The following FHDC1 variants were observed in gnomAD, a reference collection of about 807,000 sequenced individuals.
FHDC1 encodes FH2 domain-containing protein 1.
A neutral mutation model predicts 52.6 loss-of-function variants in FHDC1; 25 were observed. That is an observed-to-expected ratio of 0.48 (90% CI 0.35 to 0.66). FHDC1 has a LOEUF of 0.66. Ranked by LOEUF, FHDC1 falls within the 30% of genes least tolerant of loss-of-function variation. FHDC1 has a pLI of 0.01. For synonymous variants in FHDC1, 616 were observed against 581.5 expected (o/e 1.06, Z -0.85); for missense variants, 1,459 against 1,452.8 (o/e 1.00, Z -0.07).
At chr4:152,955,238 A>T (rs1454225663) in intron 4 of FHDC1, among the ~76,000 whole-genome samples, 1 of 152,206 alleles carries the variant, frequency 6.6e-6, no homozygotes, top group Admixed American at 6.5e-5. Context: ...AATACATACT[A>T]CCATGATATA....
At chr4:152,958,164 A>T (rs1412559725) in intron 4 of FHDC1, among the ~76,000 whole-genome samples, 3 of 152,114 alleles carry the variant, frequency 2.0e-5, no homozygotes, top group African/African-American at 7.2e-5. Flanking sequence ...ATTAGATAGG[A>T]TGAAGGAGGT....
chr4:152,939,915 G>C (rs116882724), intron 1 of FHDC1, among the ~76,000 whole-genome samples: 2 of 152,178 alleles, frequency 1.3e-5, no homozygotes, highest in Non-Finnish European at 2.9e-5. Flanking sequence ...GACAGAGTGG[G>C]GGCTAATCCC....
At chr4:152,959,330 T>C (rs1561209050) in intron 4 of FHDC1, among the ~76,000 whole-genome samples, 1 of 152,266 alleles carries the variant, frequency 6.6e-6, no homozygotes, top group Non-Finnish European at 1.5e-5. Context: ...TGTGATCTAA[T>C]GTTGTTTGAA....
chr4:152,965,299 G>A (rs1464280624), intron 9 of FHDC1, among the ~76,000 whole-genome samples: 1 of 152,204 alleles, frequency 6.6e-6, no homozygotes, highest in African/African-American at 2.4e-5. Flanking sequence ...TTCCTTGGGA[G>A]TTGGTATATA....
Position 152,975,264 on chromosome 4 carries a change from C to A in FHDC1, c.1973C>A (p.Ala658Glu), listed in dbSNP as rs140234987. The change falls in exon 12 of 12, where the codon GCA (alanine) becomes GAA (glutamate). Residue 658 changes from alanine (A) to glutamate (E), a missense_variant. Coordinates refer to ENST00000511601, the MANE Select transcript of FHDC1 (RefSeq NM_001371116.1). ...RYSEPVSLGS[A>E]QSPPLSPLAL... ...AGTGAGCCGGTGAGCCTGGGCTCAG[C>A]ACAGTCCCCTCCTCTCTCGCCATTG... 1 of 1,613,518 alleles carries A rather than the reference C, an allele frequency of 6.2e-7. No homozygotes were observed. Among genetic ancestry groups the A allele is most frequent in the African/African-American group, 1.3e-5 (1 of 75,060 alleles).
chr4:152,913,035 A>G, the FHDC1 span, among the ~76,000 whole-genome samples: 2 of 152,344 alleles, frequency 1.3e-5, no homozygotes, highest in African/African-American at 4.8e-5. Context: ...AAGGCTTCAA[A>G]ATATGTTAAA....
At chr4:152,928,343 T>C in the FHDC1 span, 1 of 461,388 alleles carries the variant, frequency 2.2e-6, no homozygotes, top group South Asian at 2.2e-5. Context: ...TTTTAACCAA[T>C]CCAATCTAAA....
rs1740913198 is a variant in FHDC1, at chr4:152,976,932, G to A, written c.*209G>A. 2.0e-6 allele frequency: 1 copy of A among 505,078 alleles called. No individual in the cohort carries two copies. 31.3% of individuals were successfully genotyped at this position (505,078 alleles called of 1,614,324 possible). On this transcript the variant is annotated 3_prime_UTR_variant, in exon 12 of 12. Transcript: ENST00000511601. ...CCTGCTGCAGTCCAGCGTCCAGATG[G>A]ATGCACGTTCACTACTGTGACGGCC...
intron 1 of FHDC1, among the ~76,000 whole-genome samples, chr4:152,938,300 A>G (rs113712417): frequency 1.3e-5 from 2 of 148,508 alleles, no homozygotes; most frequent in Non-Finnish European, 3.0e-5. Flanking sequence ...GCGCCTATGA[A>G]TATTTACATT....
chr4:152,926,825 A>G, the FHDC1 span, among the ~76,000 whole-genome samples: 2 of 152,298 alleles, frequency 1.3e-5, no homozygotes, highest in African/African-American at 4.8e-5. Context: ...AAAACAACAA[A>G]AATACAAACA....
chr4:152,938,189 G>A (rs1341380683), intron 1 of FHDC1, among the ~76,000 whole-genome samples: 1 of 115,614 alleles, frequency 8.6e-6, no homozygotes, highest in African/African-American at 3.0e-5. Flanking sequence ...GCACGCATGT[G>A]CTTTTTTTTT....
At chr4:152,967,621 G>A (rs1038239325) in intron 9 of FHDC1, among the ~76,000 whole-genome samples, 1 of 152,116 alleles carries the variant, frequency 6.6e-6, no homozygotes, top group Non-Finnish European at 1.5e-5. Flanking sequence ...GTGTTTAGTG[G>A]CCCATGGAAA....
intron 8 of FHDC1, among the ~76,000 whole-genome samples, chr4:152,964,264 C>T (rs1380632787): frequency 6.6e-6 from 1 of 152,086 alleles, no homozygotes; most frequent in Non-Finnish European, 1.5e-5. Flanking sequence ...AGACAAAGGG[C>T]CATGTTTAGC....
At chr4:152,937,590 G>A (rs919109055) in intron 1 of FHDC1, among the ~76,000 whole-genome samples, 8 of 151,796 alleles carry the variant, frequency 5.3e-5, no homozygotes, top group African/African-American at 1.9e-4. Flanking sequence ...TCGGCGCTGC[G>A]GAAGGCCGAG....
At chr4:152,933,234 G>A (rs995237357), upstream of FHDC1, among the ~76,000 whole-genome samples, 1 of 152,238 alleles carries the variant, frequency 6.6e-6, no homozygotes, top group African/African-American at 2.4e-5. Flanking sequence ...CTGGGCTTCA[G>A]GAGCCTTTCC....
At chr4:152,972,664 C>A (rs1242371373) in intron 11 of FHDC1, 123 bp downstream of exon 11, 6 of 1,176,170 alleles carry the variant, frequency 5.1e-6, no homozygotes, top group Non-Finnish European at 7.0e-6. Context: ...GACATCTGGC[C>A]CAGGTGGTAT....
rs569663910 is a variant in FHDC1 at position 152,939,140 on chromosome 4, C to T, written c.-131+2731C>T. On this transcript the variant is annotated intron_variant, in intron 1 of 11. Transcript: ENST00000511601. ...CTGTCGCCACGCTGGAGTGCTGTGG[C>T]GTAATCTCGGCTCACTGCAACCTCC... Among the ~76,000 whole-genome samples, 16 of 152,188 alleles carry T rather than the reference C, an allele frequency of 1.1e-4. No individual in the cohort carries two copies. In the South Asian group the frequency reaches 3.1e-3, roughly 30 times the overall value.
At chr4:152,933,454 G>T (rs1739284866), upstream of FHDC1, among the ~76,000 whole-genome samples, 1 of 152,134 alleles carries the variant, frequency 6.6e-6, no homozygotes, top group African/African-American at 2.4e-5. Context: ...GTCAAAGTAG[G>T]CCAGGCGTGG....
chr4:152,923,608 A>G, the FHDC1 span, among the ~76,000 whole-genome samples: 1 of 152,104 alleles, frequency 6.6e-6, no homozygotes, highest in Non-Finnish European at 1.5e-5. Context: ...ACTTCAAACT[A>G]TACTATAAGG....
Sources: allele counts gnomAD v4.1 joint callset (sites outside exome capture counted in the v4.1 genomes callset), GRCh38; gene constraint gnomAD v4.1.1; transcripts MANE v1.5; gene names NCBI Gene and HGNC (gene_info 2026-07-23, HGNC 2026-07-21).